ST8SIA4: variants seen among roughly 807,000 people sequenced by gnomAD.
The protein encoded by ST8SIA4 is CMP-N-acetylneuraminate-poly-alpha-2,8-sialyltransferase.
A neutral mutation model predicts 33.9 loss-of-function variants in ST8SIA4; 15 were observed. The observed-to-expected ratio is 0.44, with a 90% confidence interval of 0.30 to 0.68. The LOEUF (loss-of-function observed/expected upper bound fraction) is 0.68. Ranked by LOEUF, ST8SIA4 falls within the 30% of genes least tolerant of loss-of-function variation. The pLI is 0.10. For synonymous variants in ST8SIA4, 171 were observed against 151.2 expected (o/e 1.13, Z -0.96); for missense variants, 321 against 428.0 (o/e 0.75, Z 2.21).
chr5:100,828,273 C>T (rs1361764708), intron 4 of ST8SIA4, among the ~76,000 whole-genome samples: 3 of 152,120 alleles, frequency 2.0e-5, no homozygotes, highest in Non-Finnish European at 1.5e-5. Context: ...TAAATTGATA[C>T]GTGCTGAAAT....
chr5:100,881,961 G>T (rs902914889), intron 3 of ST8SIA4, among the ~76,000 whole-genome samples: 1 of 152,108 alleles, frequency 6.6e-6, no homozygotes, highest in Admixed American at 6.6e-5. Flanking sequence ...CCAGTCTCAG[G>T]CATGTCTTTA....
chr5:100,825,959 A>T (rs1580450996), intron 4 of ST8SIA4, among the ~76,000 whole-genome samples: 4 of 152,174 alleles, frequency 2.6e-5, no homozygotes, highest in Admixed American at 2.6e-4. Context: ...CATAAAATAC[A>T]ATTCAGCAGA....
intron 2 of ST8SIA4, among the ~76,000 whole-genome samples, chr5:100,894,026 A>G (rs1391570577): frequency 6.6e-6 from 1 of 152,108 alleles, no homozygotes; most frequent in Non-Finnish European, 1.5e-5. Context: ...ACATCTTGTG[A>G]CTTTTTCCTC....
chr5:100,878,153 G>A (rs150635379), intron 3 of ST8SIA4, among the ~76,000 whole-genome samples: 299 of 152,154 alleles, frequency 2.0e-3, no homozygotes, highest in African/African-American at 6.8e-3. Context: ...CTCTTCACAA[G>A]AAGTGACAGT....
At chr5:100,870,506 A>C (rs1752175850) in intron 3 of ST8SIA4, among the ~76,000 whole-genome samples, 1 of 152,206 alleles carries the variant, frequency 6.6e-6, no homozygotes, top group Non-Finnish European at 1.5e-5. Context: ...CATCAATGTA[A>C]CTTTTTACTG....
intron 2 of ST8SIA4, among the ~76,000 whole-genome samples, chr5:100,895,262 T>C (rs1204066955): frequency 6.6e-6 from 1 of 152,066 alleles, no homozygotes; most frequent in Non-Finnish European, 1.5e-5. Flanking sequence ...CAATAGAGTG[T>C]AATAGGCTCT....
intron 4 of ST8SIA4, among the ~76,000 whole-genome samples, chr5:100,813,292 C>T (rs17723146): frequency 6.6e-6 from 1 of 151,888 alleles, no homozygotes; most frequent in South Asian, 2.1e-4. Context: ...TGGAAACATC[C>T]AAAACAGGGA....
At chr5:100,890,218 G>A (rs1752630261) in intron 2 of ST8SIA4, among the ~76,000 whole-genome samples, 3 of 151,756 alleles carry the variant, frequency 2.0e-5, no homozygotes, top group Admixed American at 6.6e-5. Flanking sequence ...ATCTCCTAGT[G>A]CAAACAGTTT....
chr5:100,856,792 T>C (rs1291660186), intron 3 of ST8SIA4, among the ~76,000 whole-genome samples: 1 of 152,180 alleles, frequency 6.6e-6, no homozygotes, highest in Non-Finnish European at 1.5e-5. Context: ...ATAAAACACA[T>C]TGGACTTGAC....
chr5:100,897,539 A>G (rs1159238084), intron 1 of ST8SIA4, among the ~76,000 whole-genome samples: 1 of 152,180 alleles, frequency 6.6e-6, no homozygotes, highest in African/African-American at 2.4e-5. Flanking sequence ...GCTCCATAAC[A>G]AAGTCTAAAA....
At chr5:100,818,786 C>T (rs979518633) in intron 4 of ST8SIA4, among the ~76,000 whole-genome samples, 2 of 152,136 alleles carry the variant, frequency 1.3e-5, no homozygotes, top group African/African-American at 4.8e-5. Context: ...ATAAAGGACT[C>T]ATGGCATGAA....
rs1348920577 is a variant in ST8SIA4, at chr5:100,895,713, T to C, written c.186A>G (p.Ser62=). ...SDKIIRKAGS[S]IFQHNVEGWK... ...AACCTTCTACATTGTGCTGGAAGAT[T>C]GAAGAGCCAGCCTTTCGAATGATTT... Residue 62 remains serine (S), a synonymous_variant, in exon 2 of 5, where the codon TCA becomes TCG. Coordinates refer to ENST00000231461, the MANE Select transcript of ST8SIA4 (RefSeq NM_005668.6). The C allele has an allele frequency of 2.5e-6, 4 of 1,612,828 alleles. No homozygotes were observed. The highest frequency in any genetic ancestry group is 1.1e-5 in the South Asian group (1 of 91,050).
At chr5:100,814,546 T>C (rs780755131) in intron 4 of ST8SIA4, among the ~76,000 whole-genome samples, 10 of 152,094 alleles carry the variant, frequency 6.6e-5, no homozygotes, top group Admixed American at 2.0e-4. Context: ...CACAGAAAGA[T>C]ACACCTTAAT....
chr5:100,830,248 C>T (rs1198332982), intron 4 of ST8SIA4, among the ~76,000 whole-genome samples: 2 of 151,734 alleles, frequency 1.3e-5, no homozygotes, highest in East Asian at 1.9e-4. Context: ...GGAGCCAGAC[C>T]GATGAGTTTC....
chr5:100,833,697 A>G (rs1383552572), intron 4 of ST8SIA4, among the ~76,000 whole-genome samples: 1 of 152,142 alleles, frequency 6.6e-6, no homozygotes, highest in Admixed American at 6.6e-5. Flanking sequence ...ATACAACAAA[A>G]AGGCCTCTGG....
intron 4 of ST8SIA4, among the ~76,000 whole-genome samples, chr5:100,852,267 G>C (rs1312605821): frequency 6.6e-6 from 1 of 151,624 alleles, no homozygotes; most frequent in African/African-American, 2.4e-5. Context: ...GACTACAGGT[G>C]TGTGCCACCA....
intron 4 of ST8SIA4, among the ~76,000 whole-genome samples, chr5:100,838,429 T>C (rs1417152139): frequency 2.0e-5 from 3 of 152,006 alleles, no homozygotes; most frequent in Non-Finnish European, 4.4e-5. Flanking sequence ...GGTGTTTCTA[T>C]AAGATAAATG....
At chr5:100,869,698 A>G (rs1346158276) in intron 3 of ST8SIA4, among the ~76,000 whole-genome samples, 1 of 152,152 alleles carries the variant, frequency 6.6e-6, no homozygotes, top group African/African-American at 2.4e-5. Flanking sequence ...AACAAACTCC[A>G]AGGGTCCTTC....
chr5:100,818,207 G>A (rs1445197054), intron 4 of ST8SIA4, among the ~76,000 whole-genome samples: 1 of 152,098 alleles, frequency 6.6e-6, no homozygotes, highest in African/African-American at 2.4e-5. Context: ...GTATTCTTTA[G>A]CTACTTAAGA....
Sources: gnomAD v4.1 joint callset for allele counts (sites outside exome capture counted in the v4.1 genomes callset) on GRCh38, gnomAD v4.1.1 for gene constraint, MANE v1.5 for transcripts, NCBI Gene and HGNC (gene_info 2026-07-23, HGNC 2026-07-21) for gene names.